The following RINT1 variants were observed in gnomAD, a reference collection of about 807,000 sequenced individuals.
The protein encoded by RINT1 is RAD50-interacting protein 1.
A neutral mutation model predicts 97.7 loss-of-function variants in RINT1; 75 were observed. That is an observed-to-expected ratio of 0.77 (90% confidence interval 0.64 to 0.93). RINT1 has a LOEUF of 0.93. RINT1 is among the 40% of genes least tolerant of loss of function. The pLI is 0.00. For synonymous variants in RINT1, 303 were observed against 326.3 expected (o/e 0.93, Z 0.77); for missense variants, 892 against 925.2 (o/e 0.96, Z 0.47).
At chr7:105,558,293 C>CAAAAA (rs11345013) in intron 11 of RINT1, among the ~76,000 whole-genome samples, 1 of 139,162 alleles carries the variant, frequency 7.2e-6, no homozygotes, top group Non-Finnish European at 1.5e-5. Context: ...AAAACAGTCT[C>CAAAAA]AAAAAAAAAA....
intron 10 of RINT1, among the ~76,000 whole-genome samples, chr7:105,552,625 A>C (rs1373121469): frequency 6.7e-6 from 1 of 148,646 alleles, no homozygotes; most frequent in African/African-American, 2.5e-5. Flanking sequence ...TTGTCTGGTA[A>C]CCTGAAGAAG....
At position 105,547,280 on chromosome 7, in the gene RINT1, G is replaced by T. The variant is rs377396859; in HGVS notation, c.786G>T (p.Glu262Asp). 6.2e-7 allele frequency: 1 copy of T among 1,614,188 alleles called. No homozygotes were observed. The highest frequency in any genetic ancestry group is 2.2e-5 in the East Asian group (1 of 44,882). The change falls in exon 6 of 15, where the codon GAG becomes GAT. Residue 262 changes from glutamate to aspartate, a missense_variant. Glu to Asp is a conservative substitution (Grantham distance 45, BLOSUM62 2). Transcript: ENST00000257700. ...TAAGTCGACCTGCCAGTGCCCCGGA[G>T]ATATACAGTTACCTGGAGACACTGT... ...VGLSRPASAP[E>D]IYSYLETLFC...
intron 12 of RINT1, among the ~76,000 whole-genome samples, chr7:105,564,231 G>C (rs970388491): frequency 3.3e-5 from 5 of 152,024 alleles, no homozygotes; most frequent in African/African-American, 1.2e-4. Context: ...AGGACTACAG[G>C]CATGCACCAC....
chr7:105,544,827 A>G (rs151109531), intron 4 of RINT1, among the ~76,000 whole-genome samples: 128 of 152,300 alleles, frequency 8.4e-4, no homozygotes, highest in African/African-American at 3.0e-3. Flanking sequence ...AAGCAGGTAG[A>G]GCACAGTTAT....
chr7:105,553,729 TTTTTTC>T (rs1005886041), intron 10 of RINT1, among the ~76,000 whole-genome samples: 3 of 148,476 alleles, frequency 2.0e-5, no homozygotes, highest in African/African-American at 7.4e-5. Flanking sequence ...TGTCTTTTTT[TTTTTTC>T]TTTGAGACAG....
chr7:105,547,584 G>C (rs1790722731), intron 6 of RINT1, among the ~76,000 whole-genome samples: 1 of 152,052 alleles, frequency 6.6e-6, no homozygotes. Flanking sequence ...AAGGTCTCTT[G>C]GGGCAACAGA....
In RINT1 at chr7:105,545,063, A is replaced by G. The variant is rs138814509; in HGVS notation, c.516-1847A>G. Among the ~76,000 whole-genome samples the G allele has an allele frequency of 1.3e-4, 19 of 151,638 alleles. No homozygotes were observed. In the East Asian group the frequency reaches 3.5e-3, roughly 28 times the overall value. ...TTGGATACTATAGTATAGCACTATC[A>G]CTCTGAGTGAACCTTGTTTCTCTAG... On this transcript the variant is annotated intron_variant, in intron 4 of 14. Transcript: ENST00000257700.
Position 105,536,585 on chromosome 7 carries a change from C to T in RINT1, c.109C>T (p.Leu37Phe). ...EEKSDINVTV[L>F]IGSKQVSEGT... The stretch of plus-strand genomic sequence containing the variant: ...TGTAGGTGACATAAATGTTACAGTT[C>T]TTATTGGAAGTAAACAAGTCAGTGA... Residue 37 changes from leucine to phenylalanine, a missense_variant, in exon 3 of 15, where the codon CTT becomes TTT. By Grantham distance (22) the Leu-to-Phe change is conservative. Coordinates refer to ENST00000257700, the MANE Select transcript of RINT1 (RefSeq NM_021930.6). 1 of 1,598,916 alleles carries T rather than the reference C, an allele frequency of 6.3e-7. No homozygotes were observed. Among genetic ancestry groups the T allele is most frequent in the Non-Finnish European group, 8.5e-7 (1 of 1,172,712 alleles).
At chr7:105,551,374 T>G (rs1194917262) in intron 9 of RINT1, among the ~76,000 whole-genome samples, 196 bp from the exon 10 acceptor site, 1 of 152,148 alleles carries the variant, frequency 6.6e-6, no homozygotes, top group African/African-American at 2.4e-5. Flanking sequence ...TCAACATAAC[T>G]ATTTTCAGAA....
intron 11 of RINT1, among the ~76,000 whole-genome samples, chr7:105,557,366 T>C (rs1274321972): frequency 6.6e-6 from 1 of 152,036 alleles, no homozygotes; most frequent in Non-Finnish European, 1.5e-5. Flanking sequence ...CATTCCATAG[T>C]ATAACAGGGA....
At chr7:105,560,506 T>G (rs1394437924) in intron 11 of RINT1, among the ~76,000 whole-genome samples, 3 of 151,962 alleles carry the variant, frequency 2.0e-5, no homozygotes, top group African/African-American at 7.2e-5. Context: ...GAGAGATGAT[T>G]TAGGTTCATG....
Position 105,560,476 on chromosome 7 carries a change from G to A in RINT1, c.1672-3257G>A, listed in dbSNP as rs75105328. Among the ~76,000 whole-genome samples, 869 of 152,256 alleles carry A rather than the reference G, an allele frequency of 5.7e-3. 16 individuals carry two copies. Among genetic ancestry groups the A allele is most frequent in the East Asian group, 0.035 (181 of 5,176 alleles). Reference sequence around the variant, plus strand: ...TGGGGCGGGGGCACGGGAGGAGAGAGGGAGATGGGGAGAGACAAAGAGAGA... The same window carrying A: ...TGGGGCGGGGGCACGGGAGGAGAGAAGGAGATGGGGAGAGACAAAGAGAGA... On this transcript the variant is annotated intron_variant, in intron 11 of 14. Transcript: ENST00000257700.
At chr7:105,541,127 C>T (rs546196631) in intron 3 of RINT1, among the ~76,000 whole-genome samples, 6 of 150,884 alleles carry the variant, frequency 4.0e-5, no homozygotes, top group East Asian at 3.9e-4. Context: ...TGTGAGTCAC[C>T]GCACCCAGCT....
chr7:105,548,785 AG>A, intron 7 of RINT1, 75 bp downstream of exon 7: 1 of 1,385,470 alleles, frequency 7.2e-7, no homozygotes, highest in Non-Finnish European at 9.9e-7. Context: ...TGCTGGTTTA[AG>A]TTAAAATCTG....
chr7:105,566,834 A>T lies in RINT1; in HGVS notation c.2187-285A>T, dbSNP rs919067084. On this transcript the variant is annotated intron_variant, in intron 14 of 14. Coordinates refer to ENST00000257700, the MANE Select transcript of RINT1 (RefSeq NM_021930.6). ...CCCATGTTCTAATCTACCTAAAGTT[A>T]TAGCTATATTTAATATAGTGTTAAT... 3.6e-5 allele frequency: 7 copies of T among 195,894 alleles called. No homozygotes were observed. In the East Asian group the frequency reaches 8.0e-4, roughly 23 times the overall value. 12.1% of individuals were successfully genotyped at this position (195,894 alleles called of 1,614,324 possible).
intron 2 of RINT1, among the ~76,000 whole-genome samples, chr7:105,535,167 T>G (rs943726578): frequency 2.0e-5 from 3 of 152,154 alleles, no homozygotes; most frequent in Non-Finnish European, 2.9e-5. Context: ...TATTTTCTTT[T>G]TTCTGTTTCT....
chr7:105,540,157 C>T (rs1790400119), intron 3 of RINT1, among the ~76,000 whole-genome samples: 1 of 147,906 alleles, frequency 6.8e-6, no homozygotes, highest in Non-Finnish European at 1.5e-5. Context: ...CAGCTCACTG[C>T]TACCTCTGCC....
Position 105,542,581 on chromosome 7 carries a change from T to A in RINT1, c.447T>A (p.Ile149=), listed in dbSNP as rs927587303. The change falls in exon 4 of 15, where the codon ATT becomes ATA. Residue 149 remains isoleucine (I), a synonymous_variant. Coordinates refer to ENST00000257700, the MANE Select transcript of RINT1 (RefSeq NM_021930.6). ...GGATGGACGATCTTGGAACCATGAT[T>A]AGCCAGATTGAAGAGATCGAACGTC... ...QPWMDDLGTM[I]SQIEEIERHL... 16 of 1,614,064 alleles carry A rather than the reference T, an allele frequency of 9.9e-6. No individual in the cohort carries two copies. The highest frequency in any genetic ancestry group is 1.4e-5 in the Non-Finnish European group (16 of 1,180,036).
intron 2 of RINT1, among the ~76,000 whole-genome samples, chr7:105,534,342 T>C (rs1362422758): frequency 6.6e-6 from 1 of 152,100 alleles, no homozygotes; most frequent in Non-Finnish European, 1.5e-5. Context: ...GTGCTGGGAT[T>C]ATAGGCATGA....
Sources: allele counts gnomAD v4.1 joint callset (sites outside exome capture counted in the v4.1 genomes callset), GRCh38; gene constraint gnomAD v4.1.1; transcripts MANE v1.5; gene names NCBI Gene and HGNC (gene_info 2026-07-23, HGNC 2026-07-21).